The following PRDM6 variants were observed in gnomAD, a reference collection of about 807,000 sequenced individuals.
PRDM6 encodes the protein PR/SET domain 6.
A neutral mutation model predicts 60.8 loss-of-function variants in PRDM6; 25 were observed. The observed-to-expected ratio is 0.41, with a 90% confidence interval of 0.30 to 0.57. The LOEUF (loss-of-function observed/expected upper bound fraction) is 0.57, where lower values mean the gene tolerates loss of function less well. PRDM6 is among the 20% of genes least tolerant of loss of function. PRDM6 has a pLI of 0.27. For missense variants in PRDM6, 839 were observed against 821.3 expected (o/e 1.02, Z -0.26); for synonymous variants, 407 against 357.4 (o/e 1.14, Z -1.57).
chr5:123,124,881 C>G (rs1764657271), intron 3 of PRDM6, among the ~76,000 whole-genome samples: 1 of 151,450 alleles, frequency 6.6e-6, no homozygotes, highest in African/African-American at 2.4e-5. Context: ...TAAAGATATT[C>G]TACATACAAT....
intron 4 of PRDM6, among the ~76,000 whole-genome samples, chr5:123,156,957 T>A (rs952494232): frequency 4.6e-5 from 7 of 152,224 alleles, no homozygotes; most frequent in Non-Finnish European, 2.9e-5. Flanking sequence ...CTCTTTAGAA[T>A]CAGAAGCAAC....
Position 123,155,879 on chromosome 5 carries a change from T to G in PRDM6, c.901-5T>G. 1.3e-6 allele frequency: 2 copies of G among 1,549,862 alleles called. No individual in the cohort carries two copies. The highest frequency in any genetic ancestry group is 1.7e-6 in the Non-Finnish European group (2 of 1,146,456). On this transcript the variant is annotated splice_region_variant and splice_polypyrimidine_tract_variant and intron_variant, in intron 3 of 7. Coordinates refer to ENST00000407847, the MANE Select transcript of PRDM6 (RefSeq NM_001136239.4). ...AACTACTTGACCTTCTGACCTCTTC[T>G]CCAGATATATGACCAGGATGGGACA...
rs1295175645 is a variant in PRDM6 at position 123,180,167 on chromosome 5, G to C, written c.1517G>C (p.Cys506Ser). The C allele has an allele frequency of 6.4e-7, 1 of 1,550,734 alleles. No individual in the cohort carries two copies. ...NPDRPYQCGH[C>S]SQSFSQPSEL... ...TTCAGACCCTACCAATGCGGCCACT[G>C]CTCCCAGTCCTTTTCCCAGCCTTCA... Residue 506 changes from cysteine to serine, a missense_variant, in exon 7 of 8, where the codon TGC (cysteine) becomes TCC (serine). Physicochemically the swap from Cys to Ser is moderately radical, Grantham distance 112 (BLOSUM62 -1). Transcript: ENST00000407847.
intron 3 of PRDM6, among the ~76,000 whole-genome samples, chr5:123,132,830 C>G (rs899342846): frequency 6.6e-6 from 1 of 151,880 alleles, no homozygotes; most frequent in Admixed American, 6.6e-5. Flanking sequence ...AATTATGTCC[C>G]AGATATATTA....
chr5:123,096,586 T>C lies in PRDM6; in HGVS notation c.593-3068T>C, dbSNP rs140301690. Among the ~76,000 whole-genome samples the C allele has an allele frequency of 2.1e-4, 32 of 152,342 alleles. No homozygotes were observed. The East Asian group carries it at 3.7e-3, about 17-fold the overall frequency. On this transcript the variant is annotated intron_variant, in intron 2 of 7. Coordinates refer to ENST00000407847, the MANE Select transcript of PRDM6 (RefSeq NM_001136239.4). ...ACTTTTCTGGCAGAATATTTTGATA[T>C]AGCATGAAGTGGTTCACAAATTAAG...
intron 5 of PRDM6, among the ~76,000 whole-genome samples, chr5:123,164,305 C>T (rs146390271): frequency 6.2e-4 from 94 of 152,262 alleles, no homozygotes; most frequent in African/African-American, 2.1e-3. Flanking sequence ...GTGTACAGTG[C>T]AAAGCTGGGG....
At chr5:123,111,992 A>G (rs1389493094) in intron 3 of PRDM6, among the ~76,000 whole-genome samples, 1 of 152,212 alleles carries the variant, frequency 6.6e-6, no homozygotes, top group African/African-American at 2.4e-5. Context: ...TGATAGATGT[A>G]CATATTAAAG....
At chr5:123,126,687 A>G (rs1580499563) in intron 3 of PRDM6, among the ~76,000 whole-genome samples, 2 of 152,164 alleles carry the variant, frequency 1.3e-5, no homozygotes, top group East Asian at 3.8e-4. Flanking sequence ...ACATATTTCT[A>G]CATTTTCTTA....
In PRDM6 at chr5:123,113,328, A is replaced by G. The variant is rs760053261; in HGVS notation, c.900+13367A>G. 6.6e-5 allele frequency among the ~76,000 whole-genome samples: 10 copies of G among 152,228 alleles called. 1 individual carries two copies. Among genetic ancestry groups the G allele is most frequent in the Admixed American group, 2.0e-4 (3 of 15,288 alleles). On this transcript the variant is annotated intron_variant, in intron 3 of 7. Coordinates refer to ENST00000407847, the MANE Select transcript of PRDM6 (RefSeq NM_001136239.4). ...CCCAGCAGCCAAGAATGCCTAGCAT[A>G]CATAGAGCATTTAAAAATTCTCTTT...
rs544390152 is a variant in PRDM6, at chr5:123,193,828, A to C, written c.*6627A>C. Reference sequence around the variant, plus strand: ...TGGTTATTTTAAGTTTAGGACTGTAAATGTTCCCTACTGGAATAGAAATAT... The same window carrying C: ...TGGTTATTTTAAGTTTAGGACTGTACATGTTCCCTACTGGAATAGAAATAT... On this transcript the variant is annotated 3_prime_UTR_variant, in exon 8 of 8. Coordinates refer to ENST00000407847, the MANE Select transcript of PRDM6 (RefSeq NM_001136239.4). The C allele has an allele frequency of 6.6e-6, 1 of 152,308 alleles. No individual in the cohort carries two copies. The highest frequency in any genetic ancestry group is 2.1e-4 in the South Asian group (1 of 4,824). 9.4% of individuals were successfully genotyped at this position (152,308 alleles called of 1,614,324 possible).
In PRDM6 at chr5:123,099,748, GGCC is replaced by G; in HGVS notation, c.693_695del (p.Ala232del). On this transcript the variant is annotated inframe_deletion, in exon 3 of 8. Coordinates refer to ENST00000407847, the MANE Select transcript of PRDM6 (RefSeq NM_001136239.4). The surrounding 1 kb of genome is among the most constrained non-coding windows in gnomAD (Gnocchi z 4.0). ...GGCTTGTGGGCACCAGCAGCGCTGC[GGCC>G]GCCGCGCCCCCGCCGGAGCTGCCGG... 6.5e-7 allele frequency: 1 copy of G among 1,545,372 alleles called. No homozygotes were observed. The highest frequency in any genetic ancestry group is 1.2e-5 in the South Asian group (1 of 83,370).
intron 2 of PRDM6, among the ~76,000 whole-genome samples, chr5:123,096,495 C>A (rs535748515): frequency 3.9e-4 from 60 of 152,230 alleles, no homozygotes; most frequent in African/African-American, 1.4e-3. Flanking sequence ...AATGTTTCAG[C>A]TGGGGGATTT....
rs574501329 is a variant in PRDM6 at position 123,157,573 on chromosome 5, CT to C, written c.1028+1563del. ...TACACTATGAGCTCTCTCTGCCGAT[CT>C]GTTTTCGATTACTTCAGATCTTTAC... On this transcript the variant is annotated intron_variant, in intron 4 of 7. Transcript: ENST00000407847. Among the ~76,000 whole-genome samples, 18 of 152,308 alleles carry C rather than the reference CT, an allele frequency of 1.2e-4. No homozygotes were observed. The South Asian group carries it at 3.3e-3, about 28-fold the overall frequency.
At chr5:123,100,080 C>T in intron 3 of PRDM6, 119 bp downstream of exon 3, 1 of 1,070,516 alleles carries the variant, frequency 9.3e-7, no homozygotes, top group East Asian at 2.7e-5. Context: ...CCTCCCTTGG[C>T]CCCCAGAGGG....
At chr5:123,126,810 A>C (rs1010720355) in intron 3 of PRDM6, among the ~76,000 whole-genome samples, 1 of 152,188 alleles carries the variant, frequency 6.6e-6, no homozygotes, top group African/African-American at 2.4e-5. Context: ...CCTTCTAGCT[A>C]TTCACCTAAT....
chr5:123,134,079 T>C (rs1210720074), intron 3 of PRDM6, among the ~76,000 whole-genome samples: 4 of 152,158 alleles, frequency 2.6e-5, no homozygotes, highest in African/African-American at 9.6e-5. Flanking sequence ...TTCCAACAAC[T>C]CAAAGTCACT....
chr5:123,142,899 A>AAAAAAAAAAAAAAAAAAAAAAAAAAAC (rs1765143030), intron 3 of PRDM6, among the ~76,000 whole-genome samples: 1 of 129,840 alleles, frequency 7.7e-6, no homozygotes, highest in African/African-American at 2.9e-5. Context: ...AAAAAAAAAA[A>AAAAAAAAAAAAAAAAAAAAAAAAAAAC]AAACAAACAA....
At chr5:123,140,222 C>T (rs1375044184) in intron 3 of PRDM6, among the ~76,000 whole-genome samples, 1 of 151,342 alleles carries the variant, frequency 6.6e-6, no homozygotes, top group African/African-American at 2.4e-5. Context: ...ATCAGCTTTC[C>T]TGTATTTTCT....
rs1561792356 is a variant in PRDM6, at chr5:123,090,383, CGCCGCTGCCGTCGCCGCCGA to C, written c.379_398del (p.Val127ProfsTer170). 6.8e-7 allele frequency: 1 copy of C among 1,464,934 alleles called. No homozygotes were observed. Among genetic ancestry groups the C allele is most frequent in the South Asian group, 1.3e-5 (1 of 76,418 alleles). 90.7% of individuals were successfully genotyped at this position (1,464,934 alleles called of 1,614,324 possible). On this transcript the variant is annotated frameshift_variant, in exon 2 of 8. Coordinates refer to ENST00000407847, the MANE Select transcript of PRDM6 (RefSeq NM_001136239.4). LOFTEE classifies it high-confidence loss of function. Reference sequence around the variant, plus strand: ...AGCTGCCGGTGTTCGCGCCTCTAGCCGCCGCTGCCGTCGCCGCCGAGCCGCTGCCCCCCAAGGAACTGTGC... The same window carrying C: ...AGCTGCCGGTGTTCGCGCCTCTAGCCGCCGCTGCCCCCCAAGGAACTGTGC...
Sources: gnomAD v4.1 joint callset for allele counts (sites outside exome capture counted in the v4.1 genomes callset) on GRCh38, gnomAD v4.1.1 for gene constraint, Gnocchi (gnomAD v3.1) non-coding constraint, MANE v1.5 for transcripts, NCBI Gene and HGNC (gene_info 2026-07-23, HGNC 2026-07-21) for gene names.